HOGA1: variants seen among roughly 807,000 people sequenced by gnomAD.
HOGA1 encodes the protein 4-hydroxy-2-oxoglutarate aldolase, mitochondrial.
Under a neutral mutation model 34.3 loss-of-function variants are expected in HOGA1, and 30 were observed. The observed-to-expected ratio is 0.87, with a 90% CI of 0.65 to 1.19. The LOEUF is 1.19. Ranked by LOEUF, HOGA1 falls within the 50% of genes most tolerant of loss-of-function variation. HOGA1 has a pLI of 0.00. For missense variants in HOGA1, 417 were observed against 436.5 expected (o/e 0.96, Z 0.40); for synonymous variants, 161 against 174.0 (o/e 0.93, Z 0.59).
At position 97,601,604 on chromosome 10, in the gene HOGA1, G is replaced by T. The variant is rs569551735; in HGVS notation, c.701-253G>T. On this transcript the variant is annotated intron_variant, in intron 5 of 6. Coordinates refer to ENST00000370646, the MANE Select transcript of HOGA1 (RefSeq NM_138413.4). ...GAACCGTCCTTGAGTTCACTTTCAG[G>T]CTCTGCTCCCTGCCCCTCACAGATC... Among the ~76,000 whole-genome samples the T allele has an allele frequency of 2.0e-5, 3 of 152,274 alleles. No individual in the cohort carries two copies. The East Asian group carries it at 5.8e-4, about 29-fold the overall frequency.
At chr10:97,607,642 CT>C (rs2041167063) in intron 6 of HOGA1, among the ~76,000 whole-genome samples, 1 of 152,022 alleles carries the variant, frequency 6.6e-6, no homozygotes, top group South Asian at 2.1e-4. Context: ...CTTCTTATGT[CT>C]TTTATATAAT....
chr10:97,588,741 T>C (rs7897232), intron 1 of HOGA1, among the ~76,000 whole-genome samples: 7,029 of 152,344 alleles, frequency 0.046, 242 homozygotes, highest in Admixed American at 0.093. Flanking sequence ...GGACCATGCT[T>C]TCTTGCAAAG....
rs372780565 is a variant in HOGA1 at position 97,611,761 on chromosome 10, G to A, written c.*102G>A. 40 of 1,427,420 alleles carry A rather than the reference G, an allele frequency of 2.8e-5. No homozygotes were observed. In the African/African-American group the frequency reaches 3.4e-4, roughly 12 times the overall value. The allele number at this position is 1,427,420 out of a possible 1,614,324, so 88.4% of individuals were successfully genotyped here. The stretch of plus-strand genomic sequence containing the variant: ...CAGGGGGATGAGGGTGGCAGGCAGC[G>A]GGGAGCCGATAGAGGCTCCTTTGCC... On this transcript the variant is annotated 3_prime_UTR_variant, in exon 7 of 7. Transcript: ENST00000370646.
intron 1 of HOGA1, among the ~76,000 whole-genome samples, chr10:97,588,450 C>T (rs183474555): frequency 1.3e-5 from 2 of 152,008 alleles, no homozygotes; most frequent in Non-Finnish European, 2.9e-5. Context: ...ACCTCGTGAT[C>T]GTCCGCCTCG....
At chr10:97,602,500 G>C in intron 6 of HOGA1, 2 of 985,354 alleles carry the variant, frequency 2.0e-6, no homozygotes, top group African/African-American at 1.7e-5. Context: ...GCAAGCAAAG[G>C]AGAACTTCAG....
chr10:97,591,950 T>C (rs1384252302), intron 1 of HOGA1, among the ~76,000 whole-genome samples: 1 of 149,176 alleles, frequency 6.7e-6, no homozygotes, highest in Non-Finnish European at 1.5e-5. Flanking sequence ...GCGGTTCTCA[T>C]GCCTCAGCCT....
Position 97,584,742 on chromosome 10 carries a change from G to A in HOGA1, c.39G>A (p.Gly13=), listed in dbSNP as rs200127255. The A allele has an allele frequency of 2.5e-6, 4 of 1,612,698 alleles. No homozygotes were observed. In the East Asian group the frequency reaches 6.7e-5, roughly 27 times the overall value. The change falls in exon 1 of 7, where the codon GGG becomes GGA. Residue 13 remains glycine, a synonymous_variant. Transcript: ENST00000370646. ...AAGTCTGGTCTTCTGTGAGGCAGGG[G>A]CTAAGCAGGAGCTTGTCCAGGAATG... is the stretch of plus-strand genomic sequence containing the variant. ...GPQVWSSVRQ[G]LSRSLSRNVG... is the part of the protein sequence containing the mutation.
chr10:97,602,120 TC>T, intron 6 of HOGA1, 130 bp downstream of exon 6: 1 of 1,549,798 alleles, frequency 6.5e-7, no homozygotes, highest in Non-Finnish European at 8.7e-7. Context: ...TGAGAGAACA[TC>T]CCAGTGTGGG....
At chr10:97,601,766 T>A in intron 5 of HOGA1, 91 bp from the exon 6 acceptor site, 1 of 1,476,032 alleles carries the variant, frequency 6.8e-7, no homozygotes, top group Non-Finnish European at 9.4e-7. Flanking sequence ...CTGTATCTAA[T>A]GTCCCCAGGC....
intron 1 of HOGA1, among the ~76,000 whole-genome samples, chr10:97,588,202 T>C (rs2040986829): frequency 6.8e-6 from 1 of 147,644 alleles, no homozygotes; most frequent in Non-Finnish European, 1.5e-5. Flanking sequence ...TTTCTTTCTT[T>C]TTTTTTTTTT....
At chr10:97,600,020 A>G in intron 4 of HOGA1, 47 bp from the exon 5 acceptor site, 2 of 1,563,192 alleles carry the variant, frequency 1.3e-6, no homozygotes, top group South Asian at 2.2e-5. Context: ...GCCCTCATCC[A>G]GGATGAGGCT....
intron 1 of HOGA1, among the ~76,000 whole-genome samples, chr10:97,597,876 G>A (rs1378155691): frequency 3.9e-5 from 6 of 152,168 alleles, no homozygotes; most frequent in Non-Finnish European, 7.3e-5. Context: ...CTTGAACCTG[G>A]GGGGCTAAGG....
chr10:97,599,822 G>T lies in HOGA1; in HGVS notation c.603+8G>T. ...AAGGACAGCGGTGGTGATGTGAGTG[G>T]CAGCAGCTCCGGGGCTGGGGTCCTC... On this transcript the variant is annotated splice_region_variant and intron_variant, in intron 4 of 6. Coordinates refer to ENST00000370646, the MANE Select transcript of HOGA1 (RefSeq NM_138413.4). 6.2e-7 allele frequency: 1 copy of T among 1,614,188 alleles called. No homozygotes were observed. The highest frequency in any genetic ancestry group is 8.5e-7 in the Non-Finnish European group (1 of 1,180,028).
At chr10:97,598,702 T>C in intron 1 of HOGA1, 73 bp from the exon 2 acceptor site, 3 of 1,564,800 alleles carry the variant, frequency 1.9e-6, no homozygotes, top group Non-Finnish European at 2.6e-6. Context: ...TATGGTGTCG[T>C]AAGGTAGGAA....
At chr10:97,604,472 C>T (rs1376077101) in intron 6 of HOGA1, among the ~76,000 whole-genome samples, 1 of 152,086 alleles carries the variant, frequency 6.6e-6, no homozygotes, top group Non-Finnish European at 1.5e-5. Flanking sequence ...CAGGTGCACA[C>T]CAACACACCT....
rs2041199364 is a variant in HOGA1, at chr10:97,611,919, T to C, written c.*260T>C. 5.6e-6 allele frequency: 3 copies of C among 531,526 alleles called. No individual in the cohort carries two copies. Among genetic ancestry groups the C allele is most frequent in the Non-Finnish European group, 6.7e-6 (2 of 296,796 alleles). 32.9% of individuals were successfully genotyped at this position (531,526 alleles called of 1,614,324 possible). A position where few individuals can be genotyped will look rare whatever the true frequency, so the allele number is the denominator to read the frequency against. ...AGACTGGGAAGGAGCAATTTCTCAATTTATCTTTCTACTGTGGATGCTTTC... is the reference window on the plus strand; with the variant it reads ...AGACTGGGAAGGAGCAATTTCTCAACTTATCTTTCTACTGTGGATGCTTTC... On this transcript the variant is annotated 3_prime_UTR_variant, in exon 7 of 7. Coordinates refer to ENST00000370646, the MANE Select transcript of HOGA1 (RefSeq NM_138413.4).
At chr10:97,602,900 T>C (rs112543880) in intron 6 of HOGA1, among the ~76,000 whole-genome samples, 2,597 of 152,316 alleles carry the variant, frequency 0.017, 70 homozygotes, top group African/African-American at 0.058. Context: ...CCATATTGGC[T>C]ATGCTGGTCT....
chr10:97,602,458 T>C, intron 6 of HOGA1: 1 of 985,366 alleles, frequency 1.0e-6, no homozygotes, highest in Non-Finnish European at 1.2e-6. Flanking sequence ...ATCGGTTCTG[T>C]GGTCAGACTG....
intron 6 of HOGA1, among the ~76,000 whole-genome samples, chr10:97,605,313 A>G (rs2041149151): frequency 1.3e-5 from 2 of 151,716 alleles, no homozygotes; most frequent in African/African-American, 2.4e-5. Context: ...AGGCTGAGGC[A>G]GAAGGGAAGA....
Sources: gnomAD v4.1 joint callset for allele counts (sites outside exome capture counted in the v4.1 genomes callset) on GRCh38, gnomAD v4.1.1 for gene constraint, MANE v1.5 for transcripts, NCBI Gene and HGNC (gene_info 2026-07-23, HGNC 2026-07-21) for gene names.